Variants in FSTL4 observed in about 807,000 individuals in gnomAD.
FSTL4 encodes the protein follistatin-related protein 4.
Under a neutral mutation model 78.2 loss-of-function variants are expected in FSTL4, and 28 were observed. That is an observed-to-expected ratio of 0.36 (90% CI 0.27 to 0.49). The LOEUF is 0.49. FSTL4 is among the 20% of genes least tolerant of loss of function. The pLI is 0.98. For missense variants in FSTL4, 922 were observed against 1,084.9 expected (o/e 0.85, Z 2.11); for synonymous variants, 422 against 440.5 (o/e 0.96, Z 0.53).
At chr5:133,328,080 A>T (rs987038483) in intron 4 of FSTL4, among the ~76,000 whole-genome samples, 1 of 152,238 alleles carries the variant, frequency 6.6e-6, no homozygotes. Context: ...CCACAAACAG[A>T]ATCTGCATGT....
chr5:133,700,163 G>GAACCACCACACCAAACCATCACACCA, the FSTL4 span, among the ~76,000 whole-genome samples: 1 of 142,798 alleles, frequency 7.0e-6, no homozygotes, highest in South Asian at 2.3e-4. Context: ...CCACCACACT[G>GAACCACCACACCAAACCATCACACCA]AACCACCACA....
At chr5:133,673,238 G>C in the FSTL4 span, among the ~76,000 whole-genome samples, 1 of 152,198 alleles carries the variant, frequency 6.6e-6, no homozygotes, top group Non-Finnish European at 1.5e-5. Context: ...GGGGCCCAAG[G>C]TATTTTCCTT....
chr5:133,435,831 C>A (rs1345848522), intron 3 of FSTL4, among the ~76,000 whole-genome samples: 1 of 152,204 alleles, frequency 6.6e-6, no homozygotes, highest in Non-Finnish European at 1.5e-5. Context: ...AATGGCATCC[C>A]TTTTTCTCAT....
chr5:133,817,679 C>G, the FSTL4 span, among the ~76,000 whole-genome samples: 1 of 152,200 alleles, frequency 6.6e-6, no homozygotes, highest in East Asian at 1.9e-4. Context: ...TCTTCCAGCC[C>G]TCTGACCTCC....
intron 6 of FSTL4, among the ~76,000 whole-genome samples, chr5:133,290,084 G>A (rs1042979845): frequency 9.3e-4 from 142 of 152,188 alleles, no homozygotes; most frequent in African/African-American, 3.4e-3. Flanking sequence ...ACAAACCTTC[G>A]GCAGCCAATC....
At chr5:133,751,713 G>A in the FSTL4 span, among the ~76,000 whole-genome samples, 2,007 of 152,270 alleles carry the variant, frequency 0.013, 44 homozygotes, top group African/African-American at 0.045. Flanking sequence ...TGTCTGAGAG[G>A]TGTCGGGCAA....
the FSTL4 span, among the ~76,000 whole-genome samples, chr5:133,812,339 G>C: frequency 6.6e-6 from 1 of 152,158 alleles, no homozygotes. Context: ...AGGGTTCCCA[G>C]AGTCTCAGAC....
chr5:133,674,158 G>A, the FSTL4 span, among the ~76,000 whole-genome samples: 1 of 152,094 alleles, frequency 6.6e-6, no homozygotes, highest in Non-Finnish European at 1.5e-5. Flanking sequence ...ACCAGCGAAG[G>A]GCTCCCCACA....
At chr5:133,639,967 A>G in the FSTL4 span, among the ~76,000 whole-genome samples, 1 of 152,212 alleles carries the variant, frequency 6.6e-6, no homozygotes, top group African/African-American at 2.4e-5. Context: ...GAAAGAAAAG[A>G]AAGACTCTGC....
chr5:133,337,484 T>C (rs1754490668), intron 4 of FSTL4, among the ~76,000 whole-genome samples: 1 of 152,124 alleles, frequency 6.6e-6, no homozygotes, highest in African/African-American at 2.4e-5. Context: ...TCTGGGTCCA[T>C]TTATCTGGAT....
At chr5:133,538,029 T>A (rs1017266189) in intron 3 of FSTL4, among the ~76,000 whole-genome samples, 6 of 152,148 alleles carry the variant, frequency 3.9e-5, no homozygotes, top group Admixed American at 3.3e-4. Context: ...ACAGTATAAC[T>A]GTAGAAATCA....
At chr5:133,657,770 T>TG in the FSTL4 span, among the ~76,000 whole-genome samples, 2 of 108,728 alleles carry the variant, frequency 1.8e-5, no homozygotes, top group Non-Finnish European at 3.6e-5. Flanking sequence ...TTTTTTGTTT[T>TG]TTTTGTTTTT....
chr5:133,348,794 T>C (rs1754756127), intron 4 of FSTL4, among the ~76,000 whole-genome samples: 1 of 152,156 alleles, frequency 6.6e-6, no homozygotes, highest in Admixed American at 6.5e-5. Flanking sequence ...CTAATAGAAC[T>C]TGCCACACTG....
chr5:133,659,320 T>A, the FSTL4 span, among the ~76,000 whole-genome samples: 1 of 152,122 alleles, frequency 6.6e-6, no homozygotes, highest in Non-Finnish European at 1.5e-5. Flanking sequence ...TTTCTTGACA[T>A]ATTACTTGTT....
chr5:133,273,236 A>G (rs544091582), intron 6 of FSTL4, among the ~76,000 whole-genome samples: 2 of 152,384 alleles, frequency 1.3e-5, no homozygotes, highest in African/African-American at 4.8e-5. Context: ...ATTTAATAAT[A>G]TCTAAACTAC....
the FSTL4 span, among the ~76,000 whole-genome samples, chr5:133,781,012 C>A: frequency 1.3e-5 from 2 of 152,188 alleles, no homozygotes; most frequent in Admixed American, 6.5e-5. Flanking sequence ...AAGTCAACCC[C>A]CAACCCAGGT....
the FSTL4 span, among the ~76,000 whole-genome samples, chr5:133,721,561 C>T: frequency 6.6e-6 from 1 of 152,306 alleles, no homozygotes; most frequent in Non-Finnish European, 1.5e-5. Flanking sequence ...GTATTCTTGA[C>T]TGACAGTCTT....
chr5:133,674,076 A>G, the FSTL4 span, among the ~76,000 whole-genome samples: 2 of 152,200 alleles, frequency 1.3e-5, no homozygotes, highest in African/African-American at 4.8e-5. Flanking sequence ...GGCCCCCACC[A>G]TAGCAAAGGT....
At chr5:133,795,080 G>A in the FSTL4 span, among the ~76,000 whole-genome samples, 69,540 of 152,140 alleles carry the variant, frequency 0.46, 17,959 homozygotes, top group Middle Eastern at 0.67. Context: ...AACAGCCCGG[G>A]GCCTAAGCAG....
Sources: gnomAD v4.1 joint callset for allele counts (sites outside exome capture counted in the v4.1 genomes callset) on GRCh38, gnomAD v4.1.1 for gene constraint, MANE v1.5 for transcripts, NCBI Gene and HGNC (gene_info 2026-07-23, HGNC 2026-07-21) for gene names.